CNKSR1: variants seen among roughly 807,000 people sequenced by gnomAD.
CNKSR1 encodes the protein CNK homolog protein 1.
Under a neutral mutation model 95.6 loss-of-function variants are expected in CNKSR1, and 88 were observed. The ratio of observed to expected loss-of-function variants is 0.92; its 90% CI spans 0.78 to 1.10. The LOEUF (loss-of-function observed/expected upper bound fraction) is 1.10. Among genes scored for constraint, CNKSR1 ranks in the 50% least tolerant of loss-of-function variants. The probability of loss-of-function intolerance (pLI) is 0.00; values close to 1 mark genes in which losing one functional copy is unlikely to be tolerated. For missense variants in CNKSR1, 836 were observed against 912.0 expected (o/e 0.92, Z 1.07); for synonymous variants, 355 against 369.7 (o/e 0.96, Z 0.46).
In CNKSR1 at chr1:26,177,678, G is replaced by A. The variant is rs1322727344; in HGVS notation, c.52+79G>A. 6 of 1,560,112 alleles carry A rather than the reference G, an allele frequency of 3.8e-6. No individual in the cohort carries two copies. In the African/African-American group the frequency reaches 4.1e-5, roughly 11 times the overall value. On this transcript the variant is annotated intron_variant, in intron 1 of 20. Transcript: ENST00000361530. ...ACCGGGAAGCGGGAGGAGAGGAAAA[G>A]GAAAAAAAATCTGCGGACTGGGTGC...
chr1:26,183,245 G>A lies in CNKSR1; in HGVS notation c.673G>A (p.Val225Met), dbSNP rs199661716. 2 of 1,614,200 alleles carry A rather than the reference G, an allele frequency of 1.2e-6. No homozygotes were observed. Among genetic ancestry groups the A allele is most frequent in the Admixed American group, 1.7e-5 (1 of 60,024 alleles). The change falls in exon 7 of 21, where the codon GTG becomes ATG. Residue 225 changes from valine to methionine, a missense_variant. By Grantham distance (21) the Val-to-Met change is conservative. Coordinates refer to ENST00000361530, the MANE Select transcript of CNKSR1 (RefSeq NM_006314.3). ...TSNCQHFVSQVDTQVPTDSRL... is the reference protein window; with the variant it reads ...TSNCQHFVSQMDTQVPTDSRL... Reference sequence around the variant, plus strand: ...CAATTGCCAGCACTTTGTGTCCCAAGTGGACACCCAGGTGAGAGCCCCACA... The same window carrying A: ...CAATTGCCAGCACTTTGTGTCCCAAATGGACACCCAGGTGAGAGCCCCACA...
At position 26,184,439 on chromosome 1, in the gene CNKSR1, C is replaced by G. The variant is rs1387953055; in HGVS notation, c.1039C>G (p.Pro347Ala). The G allele has an allele frequency of 1.9e-6, 3 of 1,613,448 alleles. No homozygotes were observed. The highest frequency in any genetic ancestry group is 2.7e-5 in the African/African-American group (2 of 74,900). ...TGGCCCTGAGCCCCTGCCCATCCCCCCGGAACCCCCAGCCATACTCCCAGC... is the reference window on the plus strand; with the variant it reads ...TGGCCCTGAGCCCCTGCCCATCCCCGCGGAACCCCCAGCCATACTCCCAGC... Reference protein sequence around the residue: ...SLGPEPLPIPPEPPAILPAGV... With the variant: ...SLGPEPLPIPAEPPAILPAGV... Residue 347 changes from proline (P) to alanine (A), a missense_variant, in exon 12 of 21, where the codon CCG becomes GCG. Pro to Ala is a conservative substitution (Grantham distance 27, BLOSUM62 -1). Coordinates refer to ENST00000361530, the MANE Select transcript of CNKSR1 (RefSeq NM_006314.3).
intron 3 of CNKSR1, 172 bp from the exon 4 acceptor site, chr1:26,181,685 A>G (rs907048624): frequency 3.7e-5 from 25 of 668,270 alleles, no homozygotes; most frequent in Admixed American, 6.3e-5. Context: ...GCACATGACA[A>G]ATAAGTCCTG....
At position 26,184,149 on chromosome 1, in the gene CNKSR1, G is replaced by A. The variant is rs1292592264; in HGVS notation, c.926+8G>A. 1 of 1,612,664 alleles carries A rather than the reference G, an allele frequency of 6.2e-7. No homozygotes were observed. On this transcript the variant is annotated splice_region_variant and intron_variant, in intron 10 of 20. Coordinates refer to ENST00000361530, the MANE Select transcript of CNKSR1 (RefSeq NM_006314.3). ...GGCCCCACTGTCTCCCAGGTAACAG[G>A]CTCTGTCCAGGTGTGTCTTGGTGGG...
In CNKSR1 at chr1:26,185,040, C is replaced by T. The variant is rs1236676052; in HGVS notation, c.1162C>T (p.Arg388Trp). The T allele has an allele frequency of 3.7e-6, 6 of 1,602,276 alleles. No homozygotes were observed. The highest frequency in any genetic ancestry group is 2.2e-5 in the East Asian group (1 of 44,730). Residue 388 changes from arginine to tryptophan, a missense_variant, in exon 14 of 21, where the codon CGG becomes TGG. Arg to Trp is a moderately radical substitution (Grantham distance 101). Transcript: ENST00000361530. ...CCTGGCGACCCGGCTGAGCCGCCGG[C>T]GGGTGTCATGCCGTGAGCTGGGCCG... Reference protein sequence around the residue: ...KGLATRLSRRRVSCRELGRPD... With the variant: ...KGLATRLSRRWVSCRELGRPD...
chr1:26,184,485 G>A lies in CNKSR1; in HGVS notation c.1085G>A (p.Gly362Glu), dbSNP rs759026253. ...ILPAGVAGTP[G>E]LPESPDKSPV... is the part of the protein sequence containing the mutation. ...CCAGCAGGGGTAGCAGGGACTCCAGGGCTCCCTGAATCCCCTGACAAGGTA... is the reference window on the plus strand; with the variant it reads ...CCAGCAGGGGTAGCAGGGACTCCAGAGCTCCCTGAATCCCCTGACAAGGTA... Residue 362 changes from glycine to glutamate, a missense_variant, in exon 12 of 21, where the codon GGG becomes GAG. Transcript: ENST00000361530. 1 of 1,612,766 alleles carries A rather than the reference G, an allele frequency of 6.2e-7. No homozygotes were observed. Among genetic ancestry groups the A allele is most frequent in the Non-Finnish European group, 8.5e-7 (1 of 1,179,532 alleles).
intron 3 of CNKSR1, chr1:26,181,493 A>G (rs941010829): frequency 3.9e-6 from 1 of 256,032 alleles, no homozygotes; most frequent in Non-Finnish European, 7.6e-6. Flanking sequence ...ATCTCGGGGA[A>G]GCCTTCCCTG....
At chr1:26,182,784 G>A (rs1463250119) in intron 6 of CNKSR1, among the ~76,000 whole-genome samples, 200 bp downstream of exon 6, 1 of 152,334 alleles carries the variant, frequency 6.6e-6, no homozygotes, top group Middle Eastern at 3.4e-3. Context: ...GGGCCACGCG[G>A]GTGTGGCCTC....
rs201300182 is a variant in CNKSR1 at position 26,188,757 on chromosome 1, T to C, written c.1691-15T>C. The C allele has an allele frequency of 2.3e-4, 365 of 1,609,482 alleles. 1 individual carries two copies. Among genetic ancestry groups the C allele is most frequent in the Non-Finnish European group, 7.1e-5 (84 of 1,176,970 alleles). ...TGGGGTGGGCACATCCTCATCCTGC[T>C]CTTCCCTCCCACAGACAGCAGTGAA... On this transcript the variant is annotated splice_polypyrimidine_tract_variant and intron_variant, in intron 19 of 20. Transcript: ENST00000361530.
chr1:26,185,167 A>G lies in CNKSR1; in HGVS notation c.1289A>G (p.Tyr430Cys). ...TTTGTGCTCAAGGGACACACGCTCT[A>G]CTGGTACCGCCAGCCCCAGGTAAGA... ...RWFVLKGHTL[Y>C]WYRQPQDEKA... Residue 430 changes from tyrosine (Y) to cysteine (C), a missense_variant, in exon 14 of 21, where the codon TAC (tyrosine) becomes TGC (cysteine). By Grantham distance (194) the Tyr-to-Cys change is radical. Coordinates refer to ENST00000361530, the MANE Select transcript of CNKSR1 (RefSeq NM_006314.3). The G allele has an allele frequency of 6.4e-7, 1 of 1,558,836 alleles. No individual in the cohort carries two copies. The highest frequency in any genetic ancestry group is 2.4e-5 in the East Asian group (1 of 41,686).
intron 14 of CNKSR1, among the ~76,000 whole-genome samples, chr1:26,186,488 T>C (rs1160226754): frequency 1.3e-5 from 2 of 151,958 alleles, no homozygotes; most frequent in African/African-American, 4.8e-5. Flanking sequence ...TGTTTTGTTT[T>C]GTTTGAGACG....
chr1:26,184,486 G>A lies in CNKSR1; in HGVS notation c.1086G>A (p.Gly362=), dbSNP rs780698052. 4 of 1,612,626 alleles carry A rather than the reference G, an allele frequency of 2.5e-6. No homozygotes were observed. In the Admixed American group the frequency reaches 5.0e-5, roughly 20 times the overall value. The change falls in exon 12 of 21, where the codon GGG becomes GGA. Residue 362 remains glycine (G), a synonymous_variant. Coordinates refer to ENST00000361530, the MANE Select transcript of CNKSR1 (RefSeq NM_006314.3). ...CAGCAGGGGTAGCAGGGACTCCAGG[G>A]CTCCCTGAATCCCCTGACAAGGTAA... The part of the protein sequence containing the change: ...ILPAGVAGTP[G]LPESPDKSPV...
At chr1:26,185,962 G>T (rs111807608) in intron 14 of CNKSR1, among the ~76,000 whole-genome samples, 9 of 152,100 alleles carry the variant, frequency 5.9e-5, no homozygotes, top group Non-Finnish European at 1.5e-5. Context: ...CTCTAGGCTG[G>T]GCACTATGGA....
chr1:26,185,120 C>A lies in CNKSR1; in HGVS notation c.1242C>A (p.Gly414=), dbSNP rs1361111491. Residue 414 remains glycine, a synonymous_variant, in exon 14 of 21, where the codon GGC becomes GGA. Coordinates refer to ENST00000361530, the MANE Select transcript of CNKSR1 (RefSeq NM_006314.3). ...GAAAGGCACCGGGCGGCTTCATGGG[C>A]CCGCGCTGGCGCCGCCGCTGGTTTG... ...LLRKAPGGFM[G]PRWRRRWFVL... The A allele has an allele frequency of 1.9e-6, 3 of 1,591,622 alleles. No homozygotes were observed. The highest frequency in any genetic ancestry group is 2.7e-5 in the African/African-American group (2 of 74,668).
At chr1:26,181,100 T>C in intron 3 of CNKSR1, 1 of 596,272 alleles carries the variant, frequency 1.7e-6, no homozygotes, top group Non-Finnish European at 3.0e-6. Context: ...GCCAACATGG[T>C]GAAACCCCAT....
rs760556399 is a variant in CNKSR1 at position 26,187,245 on chromosome 1, A to G, written c.1382+4A>G. The G allele has an allele frequency of 1.2e-5, 19 of 1,612,430 alleles. No individual in the cohort carries two copies. Among genetic ancestry groups the G allele is most frequent in the Admixed American group, 5.0e-5 (3 of 59,998 alleles). On this transcript the variant is annotated splice_donor_region_variant and intron_variant, in intron 15 of 20. Transcript: ENST00000361530. The stretch of plus-strand genomic sequence containing the variant: ...GACATGATCAGAAGAAGAAATAGTT[A>G]AGTCTTGGGGTGTGATGGGCTGGGG...
rs773214132 is a variant in CNKSR1 at position 26,184,013 on chromosome 1, C to T, written c.856-58C>T. On this transcript the variant is annotated intron_variant, in intron 9 of 20. Coordinates refer to ENST00000361530, the MANE Select transcript of CNKSR1 (RefSeq NM_006314.3). Reference sequence around the variant, plus strand: ...TCCTGCTGCTCCCCTACCCCTGTTGCCCCCCAACCTGCTTTCAGACCCCTG... The same window carrying T: ...TCCTGCTGCTCCCCTACCCCTGTTGTCCCCCAACCTGCTTTCAGACCCCTG... The T allele has an allele frequency of 4.3e-6, 5 of 1,174,778 alleles. No individual in the cohort carries two copies. The South Asian group carries it at 6.1e-5, about 14-fold the overall frequency. The allele number at this position is 1,174,778 out of a possible 1,614,324, so 72.8% of individuals were successfully genotyped here.
At chr1:26,187,047 A>G in intron 14 of CNKSR1, 121 bp from the exon 15 acceptor site, 1 of 754,210 alleles carries the variant, frequency 1.3e-6, no homozygotes, top group Non-Finnish European at 2.4e-6. Context: ...GACTTGTTAG[A>G]GAGCCCAGGA....
At chr1:26,179,353 G>A (rs745840082) in intron 1 of CNKSR1, among the ~76,000 whole-genome samples, 17 of 152,212 alleles carry the variant, frequency 1.1e-4, no homozygotes, top group Non-Finnish European at 2.1e-4. Flanking sequence ...CTTCCTGGAG[G>A]AAGTTAGATG....
Sources: gnomAD v4.1 joint callset for allele counts (sites outside exome capture counted in the v4.1 genomes callset) on GRCh38, gnomAD v4.1.1 for gene constraint, MANE v1.5 for transcripts, NCBI Gene and HGNC (gene_info 2026-07-23, HGNC 2026-07-21) for gene names.